PLCB1: variants seen among roughly 807,000 people sequenced by gnomAD.
PLCB1 encodes 1-phosphatidylinositol 4,5-bisphosphate phosphodiesterase beta-1.
In PLCB1, 46 loss-of-function variants were observed where a neutral mutation model predicts 161.8. The ratio of observed to expected loss-of-function variants is 0.28; its 90% CI spans 0.22 to 0.36. PLCB1 has a LOEUF of 0.36. Among genes scored for constraint, PLCB1 ranks in the 10% least tolerant of loss-of-function variants. PLCB1 has a pLI of 1.00. For synonymous variants in PLCB1, 517 were observed against 503.7 expected (o/e 1.03, Z -0.35); for missense variants, 1,016 against 1,472.5 (o/e 0.69, Z 5.07).
At chr20:8,847,037 C>T (rs1409105491) in intron 31 of PLCB1, among the ~76,000 whole-genome samples, 1 of 152,204 alleles carries the variant, frequency 6.6e-6, no homozygotes, top group African/African-American at 2.4e-5. Flanking sequence ...TTGGTCTCAG[C>T]CCCAAAGATC....
rs142583179 is a variant in PLCB1, at chr20:8,365,769, T to C, written c.178-5613T>C. Among the ~76,000 whole-genome samples the C allele has an allele frequency of 6.0e-3, 910 of 152,318 alleles. 7 individuals are homozygous for C. Among genetic ancestry groups the C allele is most frequent in the African/African-American group, 0.021 (870 of 41,566 alleles). On this transcript the variant is annotated intron_variant, in intron 2 of 31. Transcript: ENST00000338037. Reference sequence around the variant, plus strand: ...TATACCACACATGTATGTGGAGATATACATAATCACAATGCACACACCCAG... The same window carrying C: ...TATACCACACATGTATGTGGAGATACACATAATCACAATGCACACACCCAG...
At chr20:8,401,940 A>G (rs945881582) in intron 3 of PLCB1, among the ~76,000 whole-genome samples, 3 of 152,140 alleles carry the variant, frequency 2.0e-5, no homozygotes, top group African/African-American at 4.8e-5. Context: ...GTTACTCTAG[A>G]TGGCTGCCAG....
chr20:8,575,085 T>C (rs1049448865), intron 3 of PLCB1, among the ~76,000 whole-genome samples: 5 of 152,206 alleles, frequency 3.3e-5, no homozygotes, highest in Admixed American at 1.3e-4. Flanking sequence ...AACCCATAGA[T>C]TGGCTTATAA....
At chr20:8,514,859 T>C (rs111427384) in intron 3 of PLCB1, among the ~76,000 whole-genome samples, 16 of 152,320 alleles carry the variant, frequency 1.1e-4, no homozygotes, top group African/African-American at 3.6e-4. Flanking sequence ...GAAACTTTAA[T>C]AGTCATACAA....
intron 3 of PLCB1, among the ~76,000 whole-genome samples, chr20:8,447,865 C>T (rs1462697472): frequency 1.3e-5 from 2 of 152,152 alleles, no homozygotes; most frequent in Admixed American, 6.5e-5. Flanking sequence ...CCTTAATTTC[C>T]CTTTGCACTC....
At chr20:8,162,101 T>C (rs1436469228) in intron 2 of PLCB1, among the ~76,000 whole-genome samples, 2 of 152,184 alleles carry the variant, frequency 1.3e-5, no homozygotes, top group Non-Finnish European at 2.9e-5. Flanking sequence ...CAAAATAGTT[T>C]TTTTATTATA....
At chr20:8,363,870 A>G (rs545657283) in intron 2 of PLCB1, among the ~76,000 whole-genome samples, 1 of 152,328 alleles carries the variant, frequency 6.6e-6, no homozygotes, top group South Asian at 2.1e-4. Flanking sequence ...ACAGAGAAAT[A>G]TGATAATTAG....
At chr20:8,722,590 C>G (rs1979708600) in intron 15 of PLCB1, among the ~76,000 whole-genome samples, 169 bp downstream of exon 15, 1 of 152,078 alleles carries the variant, frequency 6.6e-6, no homozygotes, top group African/African-American at 2.4e-5. Flanking sequence ...GTTCCACAAT[C>G]CGGAGAAGAT....
At chr20:8,333,107 G>C (rs900464139) in intron 2 of PLCB1, among the ~76,000 whole-genome samples, 1 of 152,218 alleles carries the variant, frequency 6.6e-6, no homozygotes, top group African/African-American at 2.4e-5. Flanking sequence ...TGGTTACAGA[G>C]ATGCGCTTTC....
At chr20:8,813,326 G>T (rs944742557) in intron 31 of PLCB1, among the ~76,000 whole-genome samples, 1 of 152,122 alleles carries the variant, frequency 6.6e-6, no homozygotes, top group Non-Finnish European at 1.5e-5. Flanking sequence ...AAAAATGTTT[G>T]CTATTTCATG....
rs75790272 is a variant in PLCB1, at chr20:8,725,466, T to A, written c.1678+714T>A. Among the ~76,000 whole-genome samples the A allele has an allele frequency of 1.4e-3, 219 of 152,240 alleles. 5 individuals carry two copies. In the East Asian group the frequency reaches 0.036, roughly 25 times the overall value. ...AAAACAGAAATTTGCCTAAATGTAC[T>A]AGCTTCTAATCAAGGATGGCTTTGC... On this transcript the variant is annotated intron_variant, in intron 16 of 31. Coordinates refer to ENST00000338037, the MANE Select transcript of PLCB1 (RefSeq NM_015192.4).
intron 2 of PLCB1, among the ~76,000 whole-genome samples, chr20:8,178,319 T>G (rs1035176807): frequency 6.6e-6 from 1 of 152,012 alleles, no homozygotes; most frequent in East Asian, 1.9e-4. Context: ...CAGCAGTGTA[T>G]AAGTGTTTTT....
At chr20:8,146,799 A>T (rs900897793) in intron 1 of PLCB1, among the ~76,000 whole-genome samples, 2 of 152,164 alleles carry the variant, frequency 1.3e-5, no homozygotes, top group Admixed American at 6.5e-5. Context: ...CTTCTTAATT[A>T]CTATATTAAT....
intron 7 of PLCB1, among the ~76,000 whole-genome samples, chr20:8,656,843 T>A (rs1490591891): frequency 6.7e-6 from 1 of 149,970 alleles, no homozygotes; most frequent in Admixed American, 6.6e-5. Context: ...CTTTCCTAGA[T>A]CTAACTTGCT....
chr20:8,643,563 C>A (rs926218758), intron 4 of PLCB1, among the ~76,000 whole-genome samples: 2 of 150,476 alleles, frequency 1.3e-5, no homozygotes, highest in Non-Finnish European at 3.0e-5. Flanking sequence ...AGTCAGGAAG[C>A]AAAAAAAAGA....
intron 3 of PLCB1, among the ~76,000 whole-genome samples, chr20:8,462,666 C>T (rs1292023726): frequency 2.6e-5 from 4 of 152,026 alleles, no homozygotes; most frequent in Admixed American, 6.6e-5. Flanking sequence ...TAAATGTAAA[C>T]GCAATCACTT....
intron 2 of PLCB1, among the ~76,000 whole-genome samples, chr20:8,296,043 G>A (rs767756359): frequency 4.9e-4 from 75 of 152,194 alleles, no homozygotes; most frequent in Admixed American, 1.2e-3. Flanking sequence ...GGGTGAGTTC[G>A]TCTCAACCAA....
intron 3 of PLCB1, among the ~76,000 whole-genome samples, chr20:8,463,320 C>A (rs1981673996): frequency 6.6e-6 from 1 of 151,716 alleles, no homozygotes; most frequent in Non-Finnish European, 1.5e-5. Flanking sequence ...TTCTGTGTAC[C>A]CTTCCCTTAT....
intron 4 of PLCB1, among the ~76,000 whole-genome samples, chr20:8,630,344 AG>A (rs1054029465): frequency 6.6e-5 from 10 of 152,094 alleles, no homozygotes; most frequent in Non-Finnish European, 1.3e-4. Flanking sequence ...GATTATTGGC[AG>A]GGATTTATTT....
Sources: allele counts gnomAD v4.1 joint callset (sites outside exome capture counted in the v4.1 genomes callset), GRCh38; gene constraint gnomAD v4.1.1; transcripts MANE v1.5; gene names NCBI Gene and HGNC (gene_info 2026-07-23, HGNC 2026-07-21).